Variants in KLF12 observed in about 807,000 individuals in gnomAD.
KLF12 encodes Krueppel-like factor 12.
In KLF12, 9 loss-of-function variants were observed where a neutral mutation model predicts 37.8. That is an observed-to-expected ratio of 0.24 (90% CI 0.14 to 0.42). The LOEUF (loss-of-function observed/expected upper bound fraction) is 0.42, where lower values mean the gene tolerates loss of function less well. KLF12 is among the 10% of genes least tolerant of loss of function. KLF12 has a pLI of 1.00. For synonymous variants in KLF12, 208 were observed against 202.1 expected (o/e 1.03, Z -0.25); for missense variants, 411 against 516.0 (o/e 0.80, Z 1.97).
At chr13:74,087,499 G>T (rs942412111) in intron 1 of KLF12, among the ~76,000 whole-genome samples, 1 of 152,132 alleles carries the variant, frequency 6.6e-6, no homozygotes, top group Admixed American at 6.5e-5. Context: ...ATGGAGGAGG[G>T]GCTCAACGTC....
chr13:74,213,853 T>G, the KLF12 span, among the ~76,000 whole-genome samples: 1 of 152,164 alleles, frequency 6.6e-6, no homozygotes, highest in Non-Finnish European at 1.5e-5. Flanking sequence ...TTTCTTATAT[T>G]TTCTAATGCT....
the KLF12 span, among the ~76,000 whole-genome samples, chr13:74,241,651 G>A: frequency 6.6e-6 from 1 of 152,214 alleles, no homozygotes; most frequent in Admixed American, 6.5e-5. Context: ...ATAATCTCGT[G>A]GTGCGCCGTT....
intron 3 of KLF12, among the ~76,000 whole-genome samples, chr13:73,904,309 G>A (rs1888170646): frequency 6.6e-6 from 1 of 152,176 alleles, no homozygotes; most frequent in South Asian, 2.1e-4. Flanking sequence ...GTTGATTCAT[G>A]TAACAATCAT....
At chr13:73,916,218 CACACA>C (rs557719847) in intron 3 of KLF12, among the ~76,000 whole-genome samples, 71,392 of 143,240 alleles carry the variant, frequency 0.5, 17,314 homozygotes, top group Middle Eastern at 0.56. Context: ...TACACACACA[CACACA>C]CACACACACA....
rs1045510363 is a variant in KLF12 at position 74,035,067 on chromosome 13, G to A, written c.-31-40014C>T. On this transcript the variant is annotated intron_variant, in intron 1 of 7. Coordinates refer to ENST00000377669, the MANE Select transcript of KLF12 (RefSeq NM_007249.5). ...TTCCCTTTATTCAACAGCAGCTCTC[G>A]GGTGGAAGTGATACATATATACAGT... is the stretch of plus-strand genomic sequence containing the variant. Among the ~76,000 whole-genome samples the A allele has an allele frequency of 7.9e-5, 12 of 152,188 alleles. No individual in the cohort carries two copies. In the South Asian group the frequency reaches 2.1e-3, roughly 26 times the overall value.
the KLF12 span, among the ~76,000 whole-genome samples, chr13:74,156,056 C>T: frequency 6.6e-6 from 1 of 152,224 alleles, no homozygotes; most frequent in East Asian, 1.9e-4. Context: ...TTTTCATACA[C>T]AACTTTCTCA....
At chr13:74,107,349 C>G (rs1232872074) in intron 1 of KLF12, among the ~76,000 whole-genome samples, 2 of 152,198 alleles carry the variant, frequency 1.3e-5, no homozygotes, top group Non-Finnish European at 2.9e-5. Flanking sequence ...GGTCCCTATG[C>G]AATCAATTCT....
At chr13:73,726,979 C>T (rs1338050284) in intron 6 of KLF12, among the ~76,000 whole-genome samples, 3 of 152,136 alleles carry the variant, frequency 2.0e-5, no homozygotes. Flanking sequence ...TTCAGCAATC[C>T]TAGAGGTTGT....
At chr13:73,801,194 G>T (rs1300823918) in intron 5 of KLF12, 1 of 152,056 alleles carries the variant, frequency 6.6e-6, no homozygotes, top group Non-Finnish European at 1.5e-5. Flanking sequence ...TTTGATGCGG[G>T]TAAGTAAATG....
intron 5 of KLF12, among the ~76,000 whole-genome samples, chr13:73,774,129 C>T (rs1407643139): frequency 6.6e-6 from 1 of 152,060 alleles, no homozygotes; most frequent in African/African-American, 2.4e-5. Context: ...AAAGTAGGCA[C>T]ACATTACATA....
intron 5 of KLF12, among the ~76,000 whole-genome samples, chr13:73,797,493 G>A (rs1313206011): frequency 1.3e-5 from 2 of 152,148 alleles, no homozygotes; most frequent in Non-Finnish European, 2.9e-5. Context: ...GGGGAGGCCG[G>A]GTGCAGTGGC....
intron 2 of KLF12, among the ~76,000 whole-genome samples, chr13:73,985,146 G>C (rs765999953): frequency 6.6e-6 from 1 of 152,200 alleles, no homozygotes; most frequent in Non-Finnish European, 1.5e-5. Flanking sequence ...ACATGTCGAC[G>C]AGAGTCTTCA....
At chr13:73,806,116 C>T (rs200152734) in intron 5 of KLF12, among the ~76,000 whole-genome samples, 4 of 139,102 alleles carry the variant, frequency 2.9e-5, no homozygotes, top group Non-Finnish European at 3.1e-5. Flanking sequence ...TTTTTTCTTT[C>T]TTTTTTTTTT....
chr13:74,157,283 T>C, the KLF12 span, among the ~76,000 whole-genome samples: 3 of 152,346 alleles, frequency 2.0e-5, no homozygotes, highest in South Asian at 6.2e-4. Context: ...TATCTCTTTA[T>C]GACAGATTTC....
intron 2 of KLF12, among the ~76,000 whole-genome samples, chr13:73,947,643 G>A (rs982750338): frequency 3.8e-5 from 3 of 78,196 alleles, no homozygotes; most frequent in East Asian, 4.3e-4. Context: ...AGAGGGAGAC[G>A]GTCTCAAAAA....
rs1873672112 is a variant in KLF12 at position 73,689,141 on chromosome 13, T to C, written c.*6349A>G. The C allele has an allele frequency of 6.6e-6, 1 of 152,114 alleles. No homozygotes were observed. The highest frequency in any genetic ancestry group is 2.1e-4 in the South Asian group (1 of 4,822). 9.4% of individuals were successfully genotyped at this position (152,114 alleles called of 1,614,324 possible). On this transcript the variant is annotated 3_prime_UTR_variant, in exon 8 of 8. Transcript: ENST00000377669. ...TACTTTAGTTTTTTCAGACAACACATGGTAAGAAGCCCAGTCAGAAGACTT... is the reference window on the plus strand; with the variant it reads ...TACTTTAGTTTTTTCAGACAACACACGGTAAGAAGCCCAGTCAGAAGACTT...
the KLF12 span, among the ~76,000 whole-genome samples, chr13:74,147,390 C>T: frequency 1.3e-5 from 2 of 152,138 alleles, no homozygotes; most frequent in Non-Finnish European, 1.5e-5. Context: ...TTTGGTTACA[C>T]GATGTTAAAC....
At chr13:74,175,742 T>A in the KLF12 span, among the ~76,000 whole-genome samples, 9 of 152,292 alleles carry the variant, frequency 5.9e-5, no homozygotes, top group South Asian at 1.9e-3. Context: ...TACATATGAA[T>A]GTGGAGCAAA....
At chr13:74,255,218 T>C in the KLF12 span, among the ~76,000 whole-genome samples, 1 of 152,214 alleles carries the variant, frequency 6.6e-6, no homozygotes, top group East Asian at 1.9e-4. Flanking sequence ...TGGTAACTTG[T>C]CCCAAGTAAG....
Sources: allele counts gnomAD v4.1 joint callset (sites outside exome capture counted in the v4.1 genomes callset), GRCh38; gene constraint gnomAD v4.1.1; transcripts MANE v1.5; gene names NCBI Gene and HGNC (gene_info 2026-07-23, HGNC 2026-07-21).